Variants in KIF15 observed in about 807,000 individuals in gnomAD.
KIF15 encodes the protein kinesin-like protein KIF15.
KIF15 carries 140 observed loss-of-function variants against 190.6 expected under a neutral mutation model. The ratio of observed to expected loss-of-function variants is 0.73; its 90% CI spans 0.64 to 0.84. KIF15 has a LOEUF of 0.84. KIF15 is among the 40% of genes least tolerant of loss of function. The pLI is 0.00. For missense variants in KIF15, 1,372 were observed against 1,584.4 expected (o/e 0.87, Z 2.28); for synonymous variants, 528 against 551.3 (o/e 0.96, Z 0.59).
chr3:44,799,310 A>G (rs1445284451), intron 10 of KIF15: 2 of 456,594 alleles, frequency 4.4e-6, no homozygotes, highest in East Asian at 6.9e-5. Flanking sequence ...TTTGCAGCCT[A>G]TCAGTGGAAA....
At chr3:44,809,681 C>CAA (rs1014831612) in intron 16 of KIF15, among the ~76,000 whole-genome samples, 9 of 134,380 alleles carry the variant, frequency 6.7e-5, no homozygotes, top group African/African-American at 2.5e-4. Flanking sequence ...CCTACCTCTG[C>CAA]AAAAAAAAAA....
intron 24 of KIF15, among the ~76,000 whole-genome samples, chr3:44,828,848 A>C (rs1473818830): frequency 6.6e-6 from 1 of 151,790 alleles, no homozygotes; most frequent in Non-Finnish European, 1.5e-5. Context: ...GACCAGCCTG[A>C]CCAACATGGA....
intron 1 of KIF15, among the ~76,000 whole-genome samples, chr3:44,768,783 A>G (rs1021453287): frequency 6.6e-6 from 1 of 152,204 alleles, no homozygotes; most frequent in African/African-American, 2.4e-5. Context: ...AGGCCAATCT[A>G]AAGGTTCCTG....
Position 44,840,474 on chromosome 3 carries a change from A to G in KIF15, c.3420+18A>G, listed in dbSNP as rs1698537941. On this transcript the variant is annotated intron_variant, in intron 28 of 34. Coordinates refer to ENST00000326047, the MANE Select transcript of KIF15 (RefSeq NM_020242.3). ...ATCCCCAGGTACTTTTCAGAAAAAG[A>G]TTATTTCAGGAGGAAGAAACAGTTT... is the stretch of plus-strand genomic sequence containing the variant. 1 of 1,515,446 alleles carries G rather than the reference A, an allele frequency of 6.6e-7. No individual in the cohort carries two copies. The allele number at this position is 1,515,446 out of a possible 1,614,324, so 93.9% of individuals were successfully genotyped here.
chr3:44,794,474 C>A, intron 8 of KIF15, 48 bp downstream of exon 8: 2 of 1,367,038 alleles, frequency 1.5e-6, no homozygotes, highest in Non-Finnish European at 2.0e-6. Flanking sequence ...TTCTTACTAG[C>A]AGTCAATACA....
chr3:44,843,257 C>T, intron 30 of KIF15, 23 bp downstream of exon 30: 1 of 1,506,546 alleles, frequency 6.6e-7, no homozygotes, highest in Non-Finnish European at 9.2e-7. Context: ...CACGAGAACT[C>T]TATGGGCTAA....
At chr3:44,840,647 A>T (rs182270435) in intron 28 of KIF15, among the ~76,000 whole-genome samples, 191 bp downstream of exon 28, 1 of 149,776 alleles carries the variant, frequency 6.7e-6, no homozygotes, top group Admixed American at 6.7e-5. Context: ...TAATAAGCTA[A>T]GCAGCGGATT....
chr3:44,798,171 C>CT (rs1189414767), intron 10 of KIF15, among the ~76,000 whole-genome samples: 9 of 149,766 alleles, frequency 6.0e-5, no homozygotes, highest in Non-Finnish European at 1.2e-4. Context: ...CTAGTTTTTT[C>CT]TTTTTTTTTG....
chr3:44,814,700 A>G (rs1425584186), intron 19 of KIF15, among the ~76,000 whole-genome samples: 1 of 152,150 alleles, frequency 6.6e-6, no homozygotes, highest in Non-Finnish European at 1.5e-5. Flanking sequence ...AATGCTTTCT[A>G]TTTCAGTAGA....
At chr3:44,852,625 G>C (rs774565714) in intron 34 of KIF15, 48 bp from the exon 35 acceptor site, 14 of 1,400,216 alleles carry the variant, frequency 1.0e-5, no homozygotes, top group African/African-American at 1.5e-5. Context: ...CTTCCTGTAA[G>C]AATTAGAGCC....
Position 44,775,314 on chromosome 3 carries a change from G to A in KIF15, c.123G>A (p.Gly41=), listed in dbSNP as rs199588680. The A allele has an allele frequency of 6.2e-7, 1 of 1,613,990 alleles. No homozygotes were observed. Among genetic ancestry groups the A allele is most frequent in the African/African-American group, 1.3e-5 (1 of 74,968 alleles). ...VRIRPPAERS[G]SADGEQNLCL... ...TTCGTCCTCCTGCAGAAAGATCTGG[G>A]TCAGCTGATGGAGAGCAGAACTTAT... is the stretch of plus-strand genomic sequence containing the variant. The change falls in exon 3 of 35, where the codon GGG becomes GGA. Residue 41 remains glycine, a synonymous_variant. Transcript: ENST00000326047.
At position 44,786,486 on chromosome 3, in the gene KIF15, G is replaced by A; in HGVS notation, c.551G>A (p.Gly184Glu). The A allele has an allele frequency of 6.2e-7, 1 of 1,613,970 alleles. No individual in the cohort carries two copies. Among genetic ancestry groups the A allele is most frequent in the Non-Finnish European group, 8.5e-7 (1 of 1,179,916 alleles). The change falls in exon 7 of 35, where the codon GGA (glycine) becomes GAA (glutamate). Residue 184 changes from glycine to glutamate, a missense_variant. Transcript: ENST00000326047. ...GATCTACTGGACTCTGCATCGGCTGGACTGTACTTAAGGGAGCATATCAAG... is the reference window on the plus strand; with the variant it reads ...GATCTACTGGACTCTGCATCGGCTGAACTGTACTTAAGGGAGCATATCAAG... ...IYDLLDSASA[G>E]LYLREHIKKG...
intron 1 of KIF15, among the ~76,000 whole-genome samples, chr3:44,762,921 G>C (rs536541063): frequency 6.6e-6 from 1 of 152,258 alleles, no homozygotes; most frequent in South Asian, 2.1e-4. Flanking sequence ...CAATCATACT[G>C]TTTGTTCTTT....
Position 44,802,904 on chromosome 3 carries a change from A to G in KIF15, c.1600A>G (p.Lys534Glu). The change falls in exon 14 of 35, where the codon AAA becomes GAA. Residue 534 changes from lysine (K) to glutamate (E), a missense_variant. By Grantham distance (56) the Lys-to-Glu change is moderately conservative (BLOSUM62 1). Transcript: ENST00000326047. ...AAGACTGAGATTATTAGAGCCTGTG[A>G]AAAGAGCTCAAGAAATGGATGCCCA... ...NRRLRLLEPV[K>E]RAQEMDAQTI... 1 of 1,612,714 alleles carries G rather than the reference A, an allele frequency of 6.2e-7. No individual in the cohort carries two copies. Among genetic ancestry groups the G allele is most frequent in the Non-Finnish European group, 8.5e-7 (1 of 1,179,734 alleles).
chr3:44,846,270 T>C (rs144246646), intron 30 of KIF15, among the ~76,000 whole-genome samples: 66 of 152,310 alleles, frequency 4.3e-4, no homozygotes, highest in African/African-American at 1.6e-3. Flanking sequence ...AAAGAAGATA[T>C]GTTTTAGACA....
At chr3:44,801,347 T>C in intron 11 of KIF15, 103 bp from the exon 12 acceptor site, 1 of 667,818 alleles carries the variant, frequency 1.5e-6, no homozygotes, top group Non-Finnish European at 2.6e-6. Flanking sequence ...CTCATTCTTT[T>C]AGATTAGTTG....
chr3:44,803,327 C>T (rs1216867691), intron 14 of KIF15, among the ~76,000 whole-genome samples: 2 of 152,044 alleles, frequency 1.3e-5, no homozygotes, highest in East Asian at 1.9e-4. Context: ...ACTAATCAAA[C>T]GTGAATAAAA....
intron 20 of KIF15, among the ~76,000 whole-genome samples, chr3:44,816,430 C>T (rs1421276382): frequency 6.6e-6 from 1 of 151,234 alleles, no homozygotes; most frequent in South Asian, 2.1e-4. Context: ...GTGATGTTCC[C>T]CGCCCTGTGT....
intron 27 of KIF15, among the ~76,000 whole-genome samples, chr3:44,838,634 G>A: frequency 6.6e-6 from 1 of 151,894 alleles, no homozygotes; most frequent in East Asian, 1.9e-4. Flanking sequence ...TGTAATCCCA[G>A]CTACTTGGGA....
Sources: allele counts gnomAD v4.1 joint callset (sites outside exome capture counted in the v4.1 genomes callset), GRCh38; gene constraint gnomAD v4.1.1; transcripts MANE v1.5; gene names NCBI Gene and HGNC (gene_info 2026-07-23, HGNC 2026-07-21).